ZNF324B: variants seen among roughly 807,000 people sequenced by gnomAD.
ZNF324B encodes zinc finger protein 324B.
Under a neutral mutation model 10.6 loss-of-function variants are expected in ZNF324B, and 7 were observed. That is an observed-to-expected ratio of 0.66 (90% CI 0.38 to 1.24). The LOEUF (loss-of-function observed/expected upper bound fraction) is 1.24. Among genes scored for constraint, ZNF324B ranks in the 50% most tolerant of loss-of-function variants. The pLI, the probability that ZNF324B is intolerant of heterozygous loss-of-function variation, is 0.02. For synonymous variants in ZNF324B, 316 were observed against 321.0 expected, an observed-to-expected ratio of 0.98 and a Z score of 0.17; for missense variants, 640 against 764.7, an observed-to-expected ratio of 0.84 and a Z score of 1.92.
At chr19:58,449,886 G>C (rs1466175065), upstream of ZNF324B, among the ~76,000 whole-genome samples, 1 of 152,150 alleles carries the variant, frequency 6.6e-6, no homozygotes, top group Non-Finnish European at 1.5e-5. Flanking sequence ...AGTAGACTTT[G>C]GGGGACTGTT....
At chr19:58,439,907 C>G in the ZNF324B span, 2 of 1,416,636 alleles carry the variant, frequency 1.4e-6, no homozygotes, top group Non-Finnish European at 1.9e-6. Flanking sequence ...CCTGTCTTCC[C>G]AAATGCAAAA....
At chr19:58,419,621 C>T in the ZNF324B span, among the ~76,000 whole-genome samples, 1 of 152,186 alleles carries the variant, frequency 6.6e-6, no homozygotes, top group Non-Finnish European at 1.5e-5. Context: ...GGGCTGTTCA[C>T]CTCTCATGGC....
the ZNF324B span, among the ~76,000 whole-genome samples, chr19:58,426,582 A>G: frequency 2.0e-5 from 3 of 152,186 alleles, no homozygotes; most frequent in African/African-American, 7.2e-5. Flanking sequence ...GCTGCTCTTC[A>G]GATTTCACAG....
chr19:58,454,503 G>C (rs1188262722), intron 3 of ZNF324B, 159 bp downstream of exon 3: 1 of 615,776 alleles, frequency 1.6e-6, no homozygotes. Context: ...GCCTTAGTAG[G>C]TGCCCTTGAA....
chr19:58,421,527 C>T, the ZNF324B span, among the ~76,000 whole-genome samples: 4 of 151,702 alleles, frequency 2.6e-5, no homozygotes, highest in South Asian at 6.3e-4. Context: ...TTAACAGGTT[C>T]GCCGCACCAT....
chr19:58,450,484 T>TA (rs915528642), upstream of ZNF324B, among the ~76,000 whole-genome samples: 4 of 134,006 alleles, frequency 3.0e-5, no homozygotes, highest in South Asian at 2.4e-4. Context: ...AAAAAAAAAG[T>TA]AAAAAAAAAT....
chr19:58,424,714 C>T, the ZNF324B span, among the ~76,000 whole-genome samples: 2 of 152,088 alleles, frequency 1.3e-5, no homozygotes, highest in Admixed American at 6.5e-5. Context: ...GTGGAGTGCA[C>T]CTGTAGTCCC....
chr19:58,434,097 G>T, the ZNF324B span: 1 of 1,612,110 alleles, frequency 6.2e-7, no homozygotes, highest in African/African-American at 1.3e-5. Context: ...GAACTTTCTG[G>T]TGCTGAGCAA....
chr19:58,427,112 T>A, the ZNF324B span, among the ~76,000 whole-genome samples: 1 of 151,998 alleles, frequency 6.6e-6, no homozygotes, highest in Non-Finnish European at 1.5e-5. Context: ...AATCTTTTTT[T>A]TTTCCTTTTT....
the ZNF324B span, among the ~76,000 whole-genome samples, chr19:58,422,407 G>A: frequency 1.3e-5 from 2 of 152,166 alleles, no homozygotes; most frequent in Non-Finnish European, 2.9e-5. Flanking sequence ...AGTACTAGAT[G>A]TCCTAGCCAG....
At chr19:58,450,090 G>A (rs2052844773), upstream of ZNF324B, among the ~76,000 whole-genome samples, 1 of 152,116 alleles carries the variant, frequency 6.6e-6, no homozygotes, top group Admixed American at 6.5e-5. Context: ...CTATTCTTGT[G>A]GTAGTGAGTA....
the ZNF324B span, chr19:58,445,492 A>G: frequency 9.6e-6 from 5 of 518,912 alleles, no homozygotes; most frequent in Non-Finnish European, 1.9e-5. Flanking sequence ...TAAATGTAGG[A>G]AAGTCTTCAC....
the ZNF324B span, chr19:58,440,185 A>G: frequency 3.1e-6 from 1 of 317,472 alleles, no homozygotes; most frequent in African/African-American, 2.3e-5. Context: ...TCTCAATGAC[A>G]GCTCGGACTT....
the ZNF324B span, among the ~76,000 whole-genome samples, chr19:58,425,449 C>T: frequency 2.0e-5 from 3 of 148,058 alleles, no homozygotes; most frequent in Admixed American, 1.4e-4. Flanking sequence ...TCCTGTCTTC[C>T]TTCTTCCTTC....
At chr19:58,426,921 C>T in the ZNF324B span, among the ~76,000 whole-genome samples, 3 of 152,172 alleles carry the variant, frequency 2.0e-5, no homozygotes, top group African/African-American at 4.8e-5. Context: ...CTGAATCCCA[C>T]AAAAGCTGGT....
chr19:58,454,870 A>G, intron 3 of ZNF324B: 3 of 549,162 alleles, frequency 5.5e-6, no homozygotes, highest in Middle Eastern at 2.8e-4. Context: ...TGAGCTATGG[A>G]AAGGGAGGGG....
upstream of ZNF324B, among the ~76,000 whole-genome samples, chr19:58,450,371 T>TCCAGCTACTTG (rs1408572571): frequency 6.6e-6 from 1 of 150,468 alleles, no homozygotes; most frequent in Admixed American, 6.7e-5. Context: ...AGGCTGAAGT[T>TCCAGCTACTTG]GGAGGACTGT....
chr19:58,451,137 C>T (rs1210128823), upstream of ZNF324B, among the ~76,000 whole-genome samples: 1 of 152,218 alleles, frequency 6.6e-6, no homozygotes, highest in Non-Finnish European at 1.5e-5. Flanking sequence ...GACACTGACA[C>T]ACAGAGAGAT....
the ZNF324B span, chr19:58,440,152 A>G: frequency 1.4e-5 from 5 of 367,088 alleles, no homozygotes; most frequent in Non-Finnish European, 2.5e-5. Context: ...GAGGACCGCA[A>G]TGGCGGCGCC....
Sources: gnomAD v4.1 joint callset for allele counts (sites outside exome capture counted in the v4.1 genomes callset) on GRCh38, gnomAD v4.1.1 for gene constraint, MANE v1.5 for transcripts, NCBI Gene and HGNC (gene_info 2026-07-23, HGNC 2026-07-21) for gene names.